The following ATG7 variants were observed in gnomAD, a reference collection of about 807,000 sequenced individuals.
The protein encoded by ATG7 is ubiquitin-like modifier-activating enzyme ATG7.
A neutral mutation model predicts 82.4 loss-of-function variants in ATG7; 70 were observed. The ratio of observed to expected loss-of-function variants is 0.85; its 90% confidence interval spans 0.70 to 1.04. The LOEUF is 1.04. Among genes scored for constraint, ATG7 ranks in the 50% least tolerant of loss-of-function variants. The pLI is 0.00. For missense variants in ATG7, 792 were observed against 864.3 expected (o/e 0.92, Z 1.05); for synonymous variants, 287 against 313.0 (o/e 0.92, Z 0.88).
chr3:11,541,100 CCA>C (rs1575255875), intron 20 of ATG7, among the ~76,000 whole-genome samples: 1 of 152,142 alleles, frequency 6.6e-6, no homozygotes. Flanking sequence ...CGGGGTTTCA[CCA>C]TGTTAGCCAG....
intron 20 of ATG7, among the ~76,000 whole-genome samples, chr3:11,432,796 A>G (rs1338102688): frequency 1.3e-5 from 2 of 152,128 alleles, no homozygotes; most frequent in African/African-American, 4.8e-5. Context: ...TAAATTAGGG[A>G]ATTTTGCATA....
At chr3:11,527,167 C>T (rs931431728) in intron 20 of ATG7, among the ~76,000 whole-genome samples, 9 of 151,596 alleles carry the variant, frequency 5.9e-5, no homozygotes, top group African/African-American at 9.7e-5. Flanking sequence ...TACAGTAGCA[C>T]GCTCTCGGCT....
chr3:11,340,885 G>C (rs979736437), intron 12 of ATG7, 150 bp downstream of exon 12: 1 of 640,264 alleles, frequency 1.6e-6, no homozygotes, highest in African/African-American at 1.8e-5. Context: ...TTGAAGTTTG[G>C]TTGTGAGAAT....
At chr3:11,333,169 T>C in intron 11 of ATG7, 76 bp downstream of exon 11, 1 of 1,437,100 alleles carries the variant, frequency 7.0e-7, no homozygotes, top group Non-Finnish European at 9.2e-7. Flanking sequence ...TCTTTTCATA[T>C]CGTCACAATG....
chr3:11,313,665 C>T (rs13062308), intron 8 of ATG7, among the ~76,000 whole-genome samples: 30,856 of 152,098 alleles, frequency 0.2, 3,519 homozygotes, highest in South Asian at 0.35. Flanking sequence ...TGCAGTGGCA[C>T]GATCACTGCT....
At chr3:11,508,871 TACA>T (rs2091890837) in intron 20 of ATG7, among the ~76,000 whole-genome samples, 1 of 152,214 alleles carries the variant, frequency 6.6e-6, no homozygotes, top group South Asian at 2.1e-4. Context: ...GCAAACTCGG[TACA>T]ACGTGATCTG....
rs2076232615 is a variant in ATG7, at chr3:11,360,747, G to T, written c.1646G>T (p.Gly549Val). The T allele has an allele frequency of 6.2e-7, 1 of 1,614,070 alleles. No individual in the cohort carries two copies. The highest frequency in any genetic ancestry group is 1.7e-5 in the Admixed American group (1 of 60,006). ...LFANIPGYKL[G>V]CYFCNDVVAP... is the part of the protein sequence containing the mutation. ...GCCAACATCCCTGGTTACAAGCTTG[G>T]CTGCTACTTCTGCAATGATGTGGTG... Residue 549 changes from glycine (G) to valine (V), a missense_variant, in exon 16 of 21, where the codon GGC (glycine) becomes GTC (valine). Physicochemically the swap from Gly to Val is moderately radical, Grantham distance 109 (BLOSUM62 -3). Transcript: ENST00000693202.
In ATG7 at chr3:11,518,408, G is replaced by A. The variant is rs1034257530; in HGVS notation, c.2080-36403G>A. Among the ~76,000 whole-genome samples, 11 of 152,212 alleles carry A rather than the reference G, an allele frequency of 7.2e-5. 1 individual carries two copies. Among genetic ancestry groups the A allele is most frequent in the Admixed American group, 3.9e-4 (6 of 15,280 alleles). ...CTAAAAATACAAAAATTAGCTGGGC[G>A]TGGTGGCATGCGCCTATAGTCCCAG... On this transcript the variant is annotated intron_variant, in intron 20 of 20. Coordinates refer to ENST00000693202, the MANE Select transcript of ATG7 (RefSeq NM_001349232.2).
At chr3:11,464,756 T>C (rs571024307) in intron 20 of ATG7, among the ~76,000 whole-genome samples, 16 of 152,358 alleles carry the variant, frequency 1.1e-4, no homozygotes, top group Non-Finnish European at 2.1e-4. Context: ...TATTGCCGAA[T>C]AGGTTCTGGA....
rs1025746493 is a variant in ATG7, at chr3:11,556,562, A to G, written c.*1719A>G. On this transcript the variant is annotated 3_prime_UTR_variant, in exon 21 of 21. Transcript: ENST00000693202. Reference sequence around the variant, plus strand: ...AATGCAGATGCAGTGTTCTCATAGAATAACTGTTCCTGCACTTTTACAGAC... The same window carrying G: ...AATGCAGATGCAGTGTTCTCATAGAGTAACTGTTCCTGCACTTTTACAGAC... The G allele has an allele frequency of 6.5e-6, 1 of 152,726 alleles. No individual in the cohort carries two copies. The allele number at this position is 152,726 out of a possible 1,614,324, so 9.5% of individuals were successfully genotyped here.
At chr3:11,498,102 C>T (rs1459129208) in intron 20 of ATG7, among the ~76,000 whole-genome samples, 1 of 152,200 alleles carries the variant, frequency 6.6e-6, no homozygotes, top group Non-Finnish European at 1.5e-5. Flanking sequence ...TCCTGACTCT[C>T]AATCCAGTAT....
rs1553652380 is a variant in ATG7 at position 11,417,800 on chromosome 3, A to ATTATTTTTTTTTTTTTT, written c.1957-9002_1957-9001insATTTTTTTTTTTTTTTT. ...CATTTAAAAAATTATTATTATTATT[A>ATTATTTTTTTTTTTTTT]TTTTATTTTATTTTATTTTTTTTTT... is the stretch of plus-strand genomic sequence containing the variant. On this transcript the variant is annotated intron_variant, in intron 19 of 20. Transcript: ENST00000693202. Among the ~76,000 whole-genome samples the ATTATTTTTTTTTTTTTT allele has an allele frequency of 1.3e-4, 14 of 109,366 alleles. 2 individuals are homozygous for ATTATTTTTTTTTTTTTT. The highest frequency in any genetic ancestry group is 7.5e-4 in the Admixed American group (7 of 9,336). 71.7% of individuals were successfully genotyped at this position (109,366 alleles called of 152,430 possible). A position where few individuals can be genotyped will look rare whatever the true frequency, so the allele number is the denominator to read the frequency against.
At chr3:11,360,866 A>G in intron 16 of ATG7, 82 bp downstream of exon 16, 2 of 1,378,810 alleles carry the variant, frequency 1.5e-6, no homozygotes, top group East Asian at 2.3e-5. Flanking sequence ...CCTTTCATTT[A>G]TGACTATTTA....
intron 5 of ATG7, among the ~76,000 whole-genome samples, chr3:11,303,619 G>A (rs2152699906): frequency 6.6e-6 from 1 of 151,338 alleles, no homozygotes; most frequent in East Asian, 2.0e-4. Context: ...AGTGAGCCGA[G>A]ATCCTGCCAC....
intron 1 of ATG7, among the ~76,000 whole-genome samples, chr3:11,280,467 C>G (rs1282744891): frequency 6.6e-6 from 1 of 152,208 alleles, no homozygotes; most frequent in Non-Finnish European, 1.5e-5. Context: ...GATTTGAACT[C>G]AGGTCTCTCT....
chr3:11,495,962 C>T (rs74627610), intron 20 of ATG7, among the ~76,000 whole-genome samples: 1,728 of 152,218 alleles, frequency 0.011, 30 homozygotes, highest in African/African-American at 0.039. Flanking sequence ...TTCATAGGCG[C>T]GTCACGCTAG....
rs57073881 is a variant in ATG7, at chr3:11,442,739, CAAAAAAAAAAA to C, written c.2079+15835_2079+15845del. On this transcript the variant is annotated intron_variant, in intron 20 of 20. Coordinates refer to ENST00000693202, the MANE Select transcript of ATG7 (RefSeq NM_001349232.2). ...GCAGCATAGTGAGACTCCATCTCTA[CAAAAAAAAAAA>C]AAAAAAAAAAAAAAAAAAAAATTAG... Among the ~76,000 whole-genome samples, 240 of 69,234 alleles carry C rather than the reference CAAAAAAAAAAA, an allele frequency of 3.5e-3. 2 individuals carry two copies. Among genetic ancestry groups the C allele is most frequent in the African/African-American group, 0.011 (192 of 17,576 alleles). 45.4% of individuals were successfully genotyped at this position (69,234 alleles called of 152,430 possible). A position where few individuals can be genotyped will look rare whatever the true frequency, so the allele number is the denominator to read the frequency against.
chr3:11,395,106 G>T (rs1404237827), intron 19 of ATG7, among the ~76,000 whole-genome samples: 3 of 152,048 alleles, frequency 2.0e-5, no homozygotes, highest in African/African-American at 7.2e-5. Context: ...CTGAAATCTA[G>T]AACTGAAAAT....
intron 19 of ATG7, among the ~76,000 whole-genome samples, chr3:11,392,605 C>T (rs1015690848): frequency 6.6e-6 from 1 of 152,138 alleles, no homozygotes; most frequent in African/African-American, 2.4e-5. Context: ...GTCTCTGTAG[C>T]TTCCTGTGGT....
Sources: gnomAD v4.1 joint callset for allele counts (sites outside exome capture counted in the v4.1 genomes callset) on GRCh38, gnomAD v4.1.1 for gene constraint, MANE v1.5 for transcripts, NCBI Gene and HGNC (gene_info 2026-07-23, HGNC 2026-07-21) for gene names.